The following SFI1 variants were observed in gnomAD, a reference collection of about 807,000 sequenced individuals.
SFI1 encodes protein SFI1 homolog.
SFI1 carries 195 observed loss-of-function variants against 207.5 expected under a neutral mutation model. The ratio of observed to expected loss-of-function variants is 0.94; its 90% confidence interval spans 0.84 to 1.06. SFI1 has a LOEUF of 1.06. Among genes scored for constraint, SFI1 ranks in the 50% least tolerant of loss-of-function variants. SFI1 has a pLI of 0.00. For synonymous variants in SFI1, 630 were observed against 598.9 expected (o/e 1.05, Z -0.76); for missense variants, 1,634 against 1,588.0 (o/e 1.03, Z -0.49).
intron 1 of SFI1, among the ~76,000 whole-genome samples, chr22:31,500,524 C>T (rs1211548404): frequency 6.6e-6 from 1 of 152,156 alleles, no homozygotes; most frequent in Non-Finnish European, 1.5e-5. Flanking sequence ...TTGGCATGAT[C>T]TTGGCTCACT....
chr22:31,525,117 C>T (rs934888400), intron 2 of SFI1, among the ~76,000 whole-genome samples: 1 of 152,082 alleles, frequency 6.6e-6, no homozygotes, highest in African/African-American at 2.4e-5. Flanking sequence ...TATAGGTTGT[C>T]TTTTTACTCT....
chr22:31,558,601 T>C (rs2061390079), intron 7 of SFI1, among the ~76,000 whole-genome samples: 1 of 151,662 alleles, frequency 6.6e-6, no homozygotes, highest in Non-Finnish European at 1.5e-5. Context: ...CCTTGGCCTC[T>C]CGAGTAGCTG....
intron 2 of SFI1, among the ~76,000 whole-genome samples, 172 bp downstream of exon 2, chr22:31,508,548 C>T (rs921457932): frequency 6.6e-6 from 1 of 152,034 alleles, no homozygotes; most frequent in South Asian, 2.1e-4. Context: ...ACATTTCGTA[C>T]ATTATGTTAC....
intron 6 of SFI1, among the ~76,000 whole-genome samples, chr22:31,552,719 G>A (rs965119359): frequency 1.3e-5 from 2 of 152,100 alleles, no homozygotes; most frequent in Non-Finnish European, 2.9e-5. Context: ...TCGAATGGTG[G>A]TTCTGTTTTT....
At chr22:31,600,265 T>C (rs1039259243) in intron 15 of SFI1, among the ~76,000 whole-genome samples, 1 of 152,228 alleles carries the variant, frequency 6.6e-6, no homozygotes, top group Non-Finnish European at 1.5e-5. Context: ...GCCTCTTATA[T>C]TTACCCACAT....
At chr22:31,520,434 A>G (rs933371135) in intron 2 of SFI1, among the ~76,000 whole-genome samples, 2 of 152,116 alleles carry the variant, frequency 1.3e-5, no homozygotes, top group Non-Finnish European at 2.9e-5. Flanking sequence ...ATTTCCTAAA[A>G]TGGTTCTATA....
At chr22:31,536,722 A>G (rs1380299187) in intron 4 of SFI1, among the ~76,000 whole-genome samples, 2 of 152,016 alleles carry the variant, frequency 1.3e-5, no homozygotes, top group South Asian at 2.1e-4. Context: ...CCTAAAATCT[A>G]TTTTTTACTC....
rs1005726008 is a variant in SFI1 at position 31,614,598 on chromosome 22, T to G, written c.2997-191T>G. 2.7e-5 allele frequency: 19 copies of G among 710,884 alleles called. No homozygotes were observed. The African/African-American group carries it at 3.0e-4, about 11-fold the overall frequency. 44.0% of individuals were successfully genotyped at this position (710,884 alleles called of 1,614,324 possible). On this transcript the variant is annotated intron_variant, in intron 27 of 32. Coordinates refer to ENST00000400288, the MANE Select transcript of SFI1 (RefSeq NM_001007467.3). The stretch of plus-strand genomic sequence containing the variant: ...AGACAATGTGGGTGAAGCAGTCCCC[T>G]GGCGTCAGGTACCTTTTGTCGGAAC...
rs916061490 is a variant in SFI1, at chr22:31,564,531, A to G, written c.765+3139A>G. Among the ~76,000 whole-genome samples the G allele has an allele frequency of 4.0e-5, 6 of 151,890 alleles. No homozygotes were observed. The East Asian group carries it at 9.7e-4, about 25-fold the overall frequency. ...TTTAAGTTATTTTTTGGGGGACAGG[A>G]TCTTACTCTGCTGCCCAGTCTGGAG... On this transcript the variant is annotated intron_variant, in intron 8 of 32. Transcript: ENST00000400288.
chr22:31,563,192 C>T (rs1015617048), intron 8 of SFI1, among the ~76,000 whole-genome samples: 3 of 151,846 alleles, frequency 2.0e-5, no homozygotes, highest in Admixed American at 6.6e-5. Flanking sequence ...GGGGTTTCAC[C>T]GTGTTGCCCA....
At chr22:31,593,153 CCCGGACGGGGTGGCTG>C (rs2066392932) in intron 15 of SFI1, among the ~76,000 whole-genome samples, 1 of 150,888 alleles carries the variant, frequency 6.6e-6, no homozygotes, top group Non-Finnish European at 1.5e-5. Flanking sequence ...CCACCTCCTT[CCCGGACGGGGTGGCTG>C]CCGGGCGGAG....
chr22:31,561,130 C>T (rs2061665789), intron 7 of SFI1, among the ~76,000 whole-genome samples, 160 bp from the exon 8 acceptor site: 1 of 152,128 alleles, frequency 6.6e-6, no homozygotes, highest in South Asian at 2.1e-4. Context: ...GACTTTTTCT[C>T]AATTGTTTTG....
At chr22:31,517,313 A>G (rs1021421082) in intron 2 of SFI1, among the ~76,000 whole-genome samples, 5 of 152,178 alleles carry the variant, frequency 3.3e-5, no homozygotes, top group Admixed American at 2.0e-4. Context: ...CAGTGGCACA[A>G]TCAGGGTCAC....
At chr22:31,524,897 C>T (rs1488498140) in intron 2 of SFI1, among the ~76,000 whole-genome samples, 3 of 152,060 alleles carry the variant, frequency 2.0e-5, no homozygotes, top group South Asian at 2.1e-4. Context: ...CAGGTTCAAG[C>T]GATTCTCCTG....
chr22:31,613,498 C>T lies in SFI1; in HGVS notation c.2710C>T (p.Arg904Trp), dbSNP rs1439662276. 6 of 1,593,320 alleles carry T rather than the reference C, an allele frequency of 3.8e-6. No individual in the cohort carries two copies. Among genetic ancestry groups the T allele is most frequent in the East Asian group, 2.2e-5 (1 of 44,498 alleles). The change falls in exon 26 of 33, where the codon CGG becomes TGG. Residue 904 changes from arginine to tryptophan, a missense_variant. Coordinates refer to ENST00000400288, the MANE Select transcript of SFI1 (RefSeq NM_001007467.3). ...LRFAASMKASRQQLQAQQQVQ... is the reference protein window; with the variant it reads ...LRFAASMKASWQQLQAQQQVQ... ...CTTTGCAGCCAGCATGAAGGCCTCC[C>T]GGCAGCAGCTGCAGGCCCAGCAGCA... is the stretch of plus-strand genomic sequence containing the variant.
rs967774634 is a variant in SFI1, at chr22:31,542,402, C to T, written c.339-4459C>T. On this transcript the variant is annotated intron_variant, in intron 4 of 32. Coordinates refer to ENST00000400288, the MANE Select transcript of SFI1 (RefSeq NM_001007467.3). Reference sequence around the variant, plus strand: ...CAGCACTTTGGGAGGCCACGGCAGGCGGATCACCTGAGGTCAGGAGTTCAA... The same window carrying T: ...CAGCACTTTGGGAGGCCACGGCAGGTGGATCACCTGAGGTCAGGAGTTCAA... Among the ~76,000 whole-genome samples, 12 of 151,692 alleles carry T rather than the reference C, an allele frequency of 7.9e-5. No individual in the cohort carries two copies. The South Asian group carries it at 1.7e-3, about 21-fold the overall frequency.
At chr22:31,566,189 G>C (rs1365444365) in intron 8 of SFI1, among the ~76,000 whole-genome samples, 2 of 151,484 alleles carry the variant, frequency 1.3e-5, no homozygotes, top group Admixed American at 6.6e-5. Context: ...CGCCTCCCAG[G>C]TTCAAGCAAT....
chr22:31,533,243 T>C (rs1360361428), intron 4 of SFI1, among the ~76,000 whole-genome samples: 2 of 152,052 alleles, frequency 1.3e-5, no homozygotes, highest in African/African-American at 2.4e-5. Context: ...GTTTTAGTGT[T>C]CGGGCCGGGC....
At chr22:31,601,144 T>C (rs924727917) in intron 15 of SFI1, among the ~76,000 whole-genome samples, 1 of 149,180 alleles carries the variant, frequency 6.7e-6, no homozygotes, top group Non-Finnish European at 1.5e-5. Flanking sequence ...TTTTTTTTTT[T>C]TTTTTTGCAA....
Sources: gnomAD v4.1 joint callset for allele counts (sites outside exome capture counted in the v4.1 genomes callset) on GRCh38, gnomAD v4.1.1 for gene constraint, MANE v1.5 for transcripts, NCBI Gene and HGNC (gene_info 2026-07-23, HGNC 2026-07-21) for gene names.